DHRSX: variants seen among roughly 807,000 people sequenced by gnomAD.
DHRSX encodes dehydrogenase/reductase X-linked, also known as polyprenol dehydrogenase.
A neutral mutation model predicts 34.0 loss-of-function variants in DHRSX; 31 were observed. The observed-to-expected ratio is 0.91, with a 90% CI of 0.69 to 1.23. DHRSX has a LOEUF of 1.23. DHRSX is among the 50% of genes most tolerant of loss of function. DHRSX has a pLI of 0.00. For synonymous variants in DHRSX, 201 were observed against 183.8 expected, an observed-to-expected ratio of 1.09 and a Z score of -0.76; for missense variants, 414 against 428.1, an observed-to-expected ratio of 0.97 and a Z score of 0.29.
intron 4 of DHRSX, among the ~76,000 whole-genome samples, chrX:2,283,471 C>T (rs1244881587): frequency 2.0e-5 from 3 of 152,110 alleles, no homozygotes; most frequent in African/African-American, 7.2e-5. Flanking sequence ...CGCCGCGATG[C>T]AACACTTTCC....
At chrX:2,357,283 T>C (rs2042867473) in intron 3 of DHRSX, among the ~76,000 whole-genome samples, 1 of 151,976 alleles carries the variant, frequency 6.6e-6, no homozygotes, top group Non-Finnish European at 1.5e-5. Flanking sequence ...TTTTTGACTG[T>C]GTGAGGGGTT....
chrX:2,277,521 G>A (rs1317633575), intron 4 of DHRSX, among the ~76,000 whole-genome samples: 4 of 21,878 alleles, frequency 1.8e-4, no homozygotes, highest in African/African-American at 3.6e-4. Context: ...GGGGGAAAGA[G>A]AGAGAAAGAG....
At chrX:2,429,576 T>A (rs2043892248) in intron 1 of DHRSX, among the ~76,000 whole-genome samples, 1 of 151,972 alleles carries the variant, frequency 6.6e-6, no homozygotes, top group Non-Finnish European at 1.5e-5. Flanking sequence ...GCCTCCCAAG[T>A]AGCTGGGACT....
intron 5 of DHRSX, among the ~76,000 whole-genome samples, chrX:2,260,008 A>G (rs2041341292): frequency 1.3e-5 from 2 of 150,676 alleles, no homozygotes; most frequent in South Asian, 2.1e-4. Context: ...ATCCACTACA[A>G]TTGTATCCAG....
rs1159991841 is a variant in DHRSX at position 2,331,436 on chromosome X, G to GTTTTTTTTTTTTTTTT, written c.287-39849_287-39834dup. Reference sequence around the variant, plus strand: ...GGAATCCTTTCAGGAAGGTTTTTTGGTTTTTTTTTTTTTTTTTTTTTTTTT... The same window carrying GTTTTTTTTTTTTTTTT: ...GGAATCCTTTCAGGAAGGTTTTTTGGTTTTTTTTTTTTTTTTTTTTTTTTTTTTTTTTTTTTTTTTT... On this transcript the variant is annotated intron_variant, in intron 3 of 6. Transcript: ENST00000334651. Among the ~76,000 whole-genome samples the GTTTTTTTTTTTTTTTT allele has an allele frequency of 5.8e-4, 55 of 94,666 alleles. 3 individuals carry two copies. Among genetic ancestry groups the GTTTTTTTTTTTTTTTT allele is most frequent in the Non-Finnish European group, 8.8e-4 (41 of 46,466 alleles). The allele number at this position is 94,666 out of a possible 152,430, so 62.1% of individuals were successfully genotyped here. A position where few individuals can be genotyped will look rare whatever the true frequency, so the allele number is the denominator to read the frequency against.
intron 3 of DHRSX, among the ~76,000 whole-genome samples, chrX:2,357,193 A>G (rs958138738): frequency 1.4e-4 from 21 of 152,152 alleles, no homozygotes; most frequent in African/African-American, 4.8e-4. Flanking sequence ...GCAGTGAGCT[A>G]AGATCACACC....
chrX:2,465,467 A>T (rs966584043), intron 1 of DHRSX, among the ~76,000 whole-genome samples: 6 of 152,134 alleles, frequency 3.9e-5, no homozygotes, highest in Admixed American at 3.9e-4. Flanking sequence ...ATGTCATTTC[A>T]TCACAGCACA....
At chrX:2,412,766 G>A (rs1479102205) in intron 2 of DHRSX, among the ~76,000 whole-genome samples, 1 of 152,124 alleles carries the variant, frequency 6.6e-6, no homozygotes, top group Non-Finnish European at 1.5e-5. Flanking sequence ...GAAAACCAGA[G>A]GACCCTATCC....
chrX:2,286,929 T>G (rs1226614040), intron 4 of DHRSX, among the ~76,000 whole-genome samples: 3 of 152,364 alleles, frequency 2.0e-5, no homozygotes, highest in Admixed American at 2.0e-4. Flanking sequence ...AATGGTGTTC[T>G]GAGCAGCACA....
At chrX:2,465,997 A>C (rs2044489443) in intron 1 of DHRSX, among the ~76,000 whole-genome samples, 1 of 152,132 alleles carries the variant, frequency 6.6e-6, no homozygotes, top group African/African-American at 2.4e-5. Context: ...CGCCATTCCA[A>C]TAGAAAACAT....
At chrX:2,324,282 C>T (rs1402114070) in intron 3 of DHRSX, among the ~76,000 whole-genome samples, 4 of 152,066 alleles carry the variant, frequency 2.6e-5, no homozygotes, top group African/African-American at 7.2e-5. Context: ...ACTGAGACGG[C>T]GCTGCATGAA....
intron 3 of DHRSX, among the ~76,000 whole-genome samples, chrX:2,363,386 G>A (rs190684619): frequency 0.023 from 3,347 of 143,260 alleles, 237 homozygotes; most frequent in African/African-American, 0.085. Context: ...GTGTCATGCC[G>A]CCATTTTATC....
chrX:2,324,511 T>C (rs890379442), intron 3 of DHRSX, among the ~76,000 whole-genome samples: 18 of 152,160 alleles, frequency 1.2e-4, no homozygotes, highest in African/African-American at 2.9e-4. Context: ...CTTGAGCTGC[T>C]TGACCTGTGC....
chrX:2,451,339 A>T (rs976796303), intron 1 of DHRSX, among the ~76,000 whole-genome samples: 12 of 152,214 alleles, frequency 7.9e-5, no homozygotes, highest in South Asian at 2.1e-4. Context: ...GGCCACCTTC[A>T]AAGGTTTCTT....
intron 1 of DHRSX, among the ~76,000 whole-genome samples, chrX:2,435,446 TA>T (rs1315967854): frequency 4.7e-5 from 6 of 127,870 alleles, no homozygotes; most frequent in Non-Finnish European, 9.6e-5. Context: ...GATCTCAAAG[TA>T]AAAACCTTAA....
intron 5 of DHRSX, among the ~76,000 whole-genome samples, chrX:2,259,510 T>G (rs1489740945): frequency 2.0e-5 from 3 of 152,080 alleles, no homozygotes; most frequent in Non-Finnish European, 4.4e-5. Context: ...CTCAAGCCCT[T>G]TGACTTTGAA....
intron 1 of DHRSX, among the ~76,000 whole-genome samples, chrX:2,476,689 G>C (rs1341541196): frequency 1.3e-5 from 2 of 152,162 alleles, no homozygotes; most frequent in Non-Finnish European, 2.9e-5. Context: ...ATACACCACA[G>C]AATACTATGC....
At chrX:2,462,326 G>GTT (rs200131143) in intron 1 of DHRSX, among the ~76,000 whole-genome samples, 2 of 151,120 alleles carry the variant, frequency 1.3e-5, no homozygotes, top group East Asian at 3.9e-4. Context: ...GTTCATAAAT[G>GTT]TTTTTTTCTG....
chrX:2,343,425 C>T (rs923156069), intron 3 of DHRSX, among the ~76,000 whole-genome samples: 1 of 152,212 alleles, frequency 6.6e-6, no homozygotes, highest in Non-Finnish European at 1.5e-5. Flanking sequence ...ATTCAAAAGG[C>T]ATCATGCCTA....
Sources: gnomAD v4.1 joint callset for allele counts (sites outside exome capture counted in the v4.1 genomes callset) on GRCh38, gnomAD v4.1.1 for gene constraint, MANE v1.5 for transcripts, NCBI Gene and HGNC (gene_info 2026-07-23, HGNC 2026-07-21) for gene names.